Variants in CACNA2D3 observed in about 807,000 individuals in gnomAD.
The protein encoded by CACNA2D3 is voltage-dependent calcium channel subunit alpha-2/delta-3.
Under a neutral mutation model 160.6 loss-of-function variants are expected in CACNA2D3, and 60 were observed. The observed-to-expected ratio is 0.37, with a 90% CI of 0.30 to 0.46. The LOEUF is 0.46. CACNA2D3 is among the 20% of genes least tolerant of loss of function. The pLI is 1.00. For missense variants in CACNA2D3, 1,205 were observed against 1,365.0 expected (o/e 0.88, Z 1.85); for synonymous variants, 558 against 492.9 (o/e 1.13, Z -1.75).
At chr3:54,267,523 T>A (rs1261133997) in intron 2 of CACNA2D3, among the ~76,000 whole-genome samples, 2 of 152,226 alleles carry the variant, frequency 1.3e-5, no homozygotes, top group Non-Finnish European at 2.9e-5. Context: ...ACCCAGTACT[T>A]CATCTTTTTA....
intron 3 of CACNA2D3, among the ~76,000 whole-genome samples, chr3:54,350,698 G>A (rs1475592744): frequency 6.6e-6 from 1 of 152,108 alleles, no homozygotes; most frequent in African/African-American, 2.4e-5. Flanking sequence ...CACAACCCAG[G>A]CAAATGCTCC....
intron 2 of CACNA2D3, among the ~76,000 whole-genome samples, chr3:54,261,922 C>T (rs1376023266): frequency 2.6e-5 from 4 of 152,170 alleles, no homozygotes; most frequent in Non-Finnish European, 5.9e-5. Flanking sequence ...ACAGACCCCC[C>T]CATGGTGCCT....
intron 4 of CACNA2D3, among the ~76,000 whole-genome samples, chr3:54,419,226 C>T (rs1453357858): frequency 6.6e-6 from 1 of 152,184 alleles, no homozygotes; most frequent in Admixed American, 6.5e-5. Context: ...ATGGGGTGTC[C>T]TGTGTCCACA....
chr3:54,236,889 A>G (rs1465137887), intron 2 of CACNA2D3, among the ~76,000 whole-genome samples: 2 of 152,142 alleles, frequency 1.3e-5, no homozygotes, highest in African/African-American at 4.8e-5. Context: ...GTAGTATATC[A>G]TGCCATTGGC....
intron 26 of CACNA2D3, 67 bp downstream of exon 26, chr3:54,896,937 G>T (rs1318749156): frequency 1.2e-6 from 2 of 1,600,978 alleles, no homozygotes; most frequent in African/African-American, 2.7e-5. Context: ...TGTGTGCAGG[G>T]TGTTGGGGAG....
chr3:54,131,720 A>G (rs1382805313), intron 2 of CACNA2D3, among the ~76,000 whole-genome samples: 1 of 152,188 alleles, frequency 6.6e-6, no homozygotes, highest in African/African-American at 2.4e-5. Context: ...CAGGGGCACA[A>G]TGACAAATGC....
intron 31 of CACNA2D3, among the ~76,000 whole-genome samples, chr3:54,990,056 A>G (rs533672963): frequency 6.6e-6 from 1 of 152,312 alleles, no homozygotes; most frequent in African/African-American, 2.4e-5. Context: ...GTCATGCACC[A>G]TATTGAATTG....
At chr3:54,273,136 A>G (rs9863001) in intron 2 of CACNA2D3, 76,515 of 152,086 alleles carry the variant, frequency 0.5, 19,552 homozygotes, top group Admixed American at 0.57. Flanking sequence ...GGATTTTTGC[A>G]GTTCCACGTG....
intron 5 of CACNA2D3, among the ~76,000 whole-genome samples, chr3:54,506,510 G>A (rs1701373621): frequency 6.6e-6 from 1 of 152,160 alleles, no homozygotes; most frequent in African/African-American, 2.4e-5. Context: ...GCCTCCGTGG[G>A]CGGGCCTGGC....
intron 8 of CACNA2D3, among the ~76,000 whole-genome samples, chr3:54,578,603 G>A (rs2106734617): frequency 6.6e-6 from 1 of 152,318 alleles, no homozygotes; most frequent in Non-Finnish European, 1.5e-5. Context: ...GCTCCCTCTG[G>A]TGATACAGAC....
Position 54,204,880 on chromosome 3 carries a change from C to A in CACNA2D3, c.204+81286C>A, listed in dbSNP as rs570989356. Among the ~76,000 whole-genome samples the A allele has an allele frequency of 3.8e-3, 562 of 147,570 alleles. 5 individuals carry two copies. Among genetic ancestry groups the A allele is most frequent in the African/African-American group, 0.013 (535 of 40,388 alleles). ...GAGGAGAAAAAAATGGAAAAACTTA[C>A]CATCTCCTCAAAGATGAAAGAATAT... On this transcript the variant is annotated intron_variant, in intron 2 of 37. Transcript: ENST00000474759.
At chr3:54,516,330 A>G (rs1174704594) in intron 5 of CACNA2D3, among the ~76,000 whole-genome samples, 1 of 152,050 alleles carries the variant, frequency 6.6e-6, no homozygotes, top group Non-Finnish European at 1.5e-5. Flanking sequence ...ATCATCTCCA[A>G]AGTGCCACCG....
chr3:54,386,707 T>A lies in CACNA2D3; in HGVS notation c.322-8T>A, dbSNP rs377181629. 5 of 1,530,168 alleles carry A rather than the reference T, an allele frequency of 3.3e-6. No individual in the cohort carries two copies. The highest frequency in any genetic ancestry group is 1.4e-5 in the African/African-American group (1 of 72,026). The allele number at this position is 1,530,168 out of a possible 1,614,324, so 94.8% of individuals were successfully genotyped here. A position where few individuals can be genotyped will look rare whatever the true frequency, so the allele number is the denominator to read the frequency against. On this transcript the variant is annotated splice_region_variant and splice_polypyrimidine_tract_variant and intron_variant, in intron 3 of 37. Coordinates refer to ENST00000474759, the MANE Select transcript of CACNA2D3 (RefSeq NM_018398.3). The stretch of plus-strand genomic sequence containing the variant: ...ATGCTGTCTTCTGTTTTTTTTTTTT[T>A]TTTTTAGCGTCTGGTGGAGGCTGCA...
intron 13 of CACNA2D3, among the ~76,000 whole-genome samples, chr3:54,805,402 C>A (rs1559588442): frequency 6.6e-6 from 1 of 152,226 alleles, no homozygotes; most frequent in East Asian, 1.9e-4. Flanking sequence ...TACAAACTAC[C>A]ATCAGAGAAT....
At chr3:54,383,355 G>T (rs986867598) in intron 3 of CACNA2D3, among the ~76,000 whole-genome samples, 5 of 152,150 alleles carry the variant, frequency 3.3e-5, no homozygotes, top group African/African-American at 1.2e-4. Context: ...GAAAATGTAG[G>T]CCTGTCTCCT....
chr3:54,266,692 G>A (rs1702523535), intron 2 of CACNA2D3, among the ~76,000 whole-genome samples: 1 of 152,182 alleles, frequency 6.6e-6, no homozygotes, highest in Admixed American at 6.5e-5. Flanking sequence ...AGGCCAGAGG[G>A]AGTGACCTCA....
rs576682563 is a variant in CACNA2D3, at chr3:54,283,026, G to A, written c.205-37416G>A. On this transcript the variant is annotated intron_variant, in intron 2 of 37. Coordinates refer to ENST00000474759, the MANE Select transcript of CACNA2D3 (RefSeq NM_018398.3). ...ATTTCCCTTTTGATGAAGCAGTTTC[G>A]TACTTTACATGATCCTAAAAGGATT... Among the ~76,000 whole-genome samples the A allele has an allele frequency of 4.6e-5, 7 of 152,218 alleles. No homozygotes were observed. The East Asian group carries it at 7.7e-4, about 17-fold the overall frequency.
chr3:55,074,085 G>T lies in CACNA2D3; in HGVS notation c.3184-29G>T, dbSNP rs117860418. ...TGAAGGTGTCCTGGAGTCTATTTCCGTCTAACCAACCCCTGCCTTTCCCCA... is the reference window on the plus strand; with the variant it reads ...TGAAGGTGTCCTGGAGTCTATTTCCTTCTAACCAACCCCTGCCTTTCCCCA... On this transcript the variant is annotated intron_variant, in intron 37 of 37. Transcript: ENST00000474759. 3 of 1,591,324 alleles carry T rather than the reference G, an allele frequency of 1.9e-6. No homozygotes were observed. The African/African-American group carries it at 4.0e-5, about 21-fold the overall frequency.
At chr3:54,919,602 G>A (rs529208005) in intron 27 of CACNA2D3, among the ~76,000 whole-genome samples, 1 of 152,038 alleles carries the variant, frequency 6.6e-6, no homozygotes, top group Non-Finnish European at 1.5e-5. Context: ...CTGTTGGTCG[G>A]GGGAATTTGG....
Sources: allele counts gnomAD v4.1 joint callset (sites outside exome capture counted in the v4.1 genomes callset), GRCh38; gene constraint gnomAD v4.1.1; transcripts MANE v1.5; gene names NCBI Gene and HGNC (gene_info 2026-07-23, HGNC 2026-07-21).